Variants in ACACA observed in about 807,000 individuals in gnomAD.
The protein encoded by ACACA is acetyl-CoA carboxylase alpha, also known as acetyl-CoA carboxylase 1.
A neutral mutation model predicts 296.1 loss-of-function variants in ACACA; 103 were observed. The ratio of observed to expected loss-of-function variants is 0.35; its 90% confidence interval spans 0.30 to 0.41. The LOEUF (loss-of-function observed/expected upper bound fraction) is 0.41. Among genes scored for constraint, ACACA ranks in the 10% least tolerant of loss-of-function variants. ACACA has a pLI of 1.00. For synonymous variants in ACACA, 953 were observed against 1,038.6 expected (o/e 0.92, Z 1.58); for missense variants, 1,554 against 2,989.7 (o/e 0.52, Z 11.20).
rs2047307519 is a variant in ACACA, at chr17:37,320,559, GTAGT to G, written c.338+9610_338+9613del. The stretch of plus-strand genomic sequence containing the variant: ...ACACCAAAGGTTTTAGTTTAGTGTA[GTAGT>G]TTATAGTACGAGCTCTGACTAGATT... On this transcript the variant is annotated intron_variant, in intron 3 of 55. Transcript: ENST00000616317. Among the ~76,000 whole-genome samples the G allele has an allele frequency of 4.6e-5, 7 of 151,368 alleles. No homozygotes were observed. The South Asian group carries it at 1.3e-3, about 27-fold the overall frequency.
intron 11 of ACACA, among the ~76,000 whole-genome samples, chr17:37,260,890 G>A (rs547152691): frequency 9.2e-5 from 14 of 152,104 alleles, no homozygotes; most frequent in East Asian, 1.9e-4. Flanking sequence ...GGGGGGGTCC[G>A]CTGTGTTTTT....
In ACACA at chr17:37,107,888, G is replaced by C. The variant is rs1008375587; in HGVS notation, c.6565+3643C>G. ...GAGGACCTCAGGTCACAGCACTCAA[G>C]AGGCCAGGCTAGCAAGGCCGTCCCG... On this transcript the variant is annotated intron_variant, in intron 52 of 55. Coordinates refer to ENST00000616317, the MANE Select transcript of ACACA (RefSeq NM_198834.3). Among the ~76,000 whole-genome samples the C allele has an allele frequency of 2.6e-5, 4 of 152,336 alleles. No homozygotes were observed. In the East Asian group the frequency reaches 7.7e-4, roughly 29 times the overall value.
chr17:37,172,108 T>C (rs1345846265), intron 41 of ACACA, among the ~76,000 whole-genome samples: 7 of 152,222 alleles, frequency 4.6e-5, no homozygotes, highest in Admixed American at 1.3e-4. Context: ...TAGGGTACTA[T>C]GTCACATTCT....
chr17:37,309,333 G>A (rs1194988247), intron 3 of ACACA, among the ~76,000 whole-genome samples: 5 of 152,084 alleles, frequency 3.3e-5, no homozygotes, highest in Admixed American at 2.0e-4. Context: ...GCTTCAACAA[G>A]TATTTATTGA....
intron 1 of ACACA, among the ~76,000 whole-genome samples, chr17:37,340,811 TCTGA>T (rs2048344786): frequency 2.0e-5 from 3 of 152,308 alleles, no homozygotes; most frequent in South Asian, 2.1e-4. Flanking sequence ...AAGCTCAAAC[TCTGA>T]CTGTCAAATA....
chr17:37,091,018 T>G (rs1331560346), intron 54 of ACACA, among the ~76,000 whole-genome samples: 1 of 152,202 alleles, frequency 6.6e-6, no homozygotes, highest in Non-Finnish European at 1.5e-5. Context: ...TCATTTTTAA[T>G]CCGTTTGCTT....
chr17:37,120,037 G>A (rs2074451534), intron 50 of ACACA, among the ~76,000 whole-genome samples: 1 of 148,898 alleles, frequency 6.7e-6, no homozygotes, highest in South Asian at 2.2e-4. Flanking sequence ...GGGATTATAG[G>A]CATGCACCAC....
At chr17:37,146,456 A>C in intron 45 of ACACA, among the ~76,000 whole-genome samples, 1 of 112,342 alleles carries the variant, frequency 8.9e-6, no homozygotes, top group East Asian at 2.6e-4. Context: ...AGGGGAAGGA[A>C]GGGGAAAAGC....
At chr17:37,162,197 A>G in intron 41 of ACACA, 147 bp from the exon 42 acceptor site, 1 of 825,700 alleles carries the variant, frequency 1.2e-6, no homozygotes, top group East Asian at 2.6e-5. Context: ...GTGGGAAACT[A>G]CAAAAGACAT....
chr17:37,111,977 G>A (rs532982509), intron 51 of ACACA, among the ~76,000 whole-genome samples: 3 of 152,258 alleles, frequency 2.0e-5, no homozygotes, highest in Admixed American at 6.5e-5. Flanking sequence ...AAAAAATGCT[G>A]TAGGCACAGT....
rs551888666 is a variant in ACACA, at chr17:37,229,649, G to A, written c.3247-3197C>T. On this transcript the variant is annotated intron_variant, in intron 25 of 55. Coordinates refer to ENST00000616317, the MANE Select transcript of ACACA (RefSeq NM_198834.3). ...TAAAAGACAAAACAAAGCAAAACAC[G>A]TAAAAGCACTTTTTTTTAAAAACCA... is the stretch of plus-strand genomic sequence containing the variant. Among the ~76,000 whole-genome samples, 4 of 151,912 alleles carry A rather than the reference G, an allele frequency of 2.6e-5. No individual in the cohort carries two copies. In the East Asian group the frequency reaches 5.8e-4, roughly 22 times the overall value.
chr17:37,211,523 C>T (rs2078747040), intron 29 of ACACA, among the ~76,000 whole-genome samples: 1 of 152,208 alleles, frequency 6.6e-6, no homozygotes, highest in Non-Finnish European at 1.5e-5. Context: ...TGTAAGGGGG[C>T]TGATCGGTTG....
At chr17:37,174,247 T>C (rs1157517912) in intron 41 of ACACA, among the ~76,000 whole-genome samples, 1 of 150,128 alleles carries the variant, frequency 6.7e-6, no homozygotes, top group Non-Finnish European at 1.5e-5. Flanking sequence ...AGATCCCTAA[T>C]GCAAGGTTCA....
At chr17:37,246,295 C>G (rs922795672) in intron 19 of ACACA, among the ~76,000 whole-genome samples, 2 of 152,188 alleles carry the variant, frequency 1.3e-5, no homozygotes, top group African/African-American at 4.8e-5. Flanking sequence ...GTGCTATTGC[C>G]TAGTATCTAT....
At chr17:37,241,258 T>C (rs955090508) in intron 23 of ACACA, among the ~76,000 whole-genome samples, 2 of 152,044 alleles carry the variant, frequency 1.3e-5, no homozygotes, top group Non-Finnish European at 2.9e-5. Context: ...TTAGTATTAA[T>C]AGCAACAACC....
At chr17:37,283,473 T>C (rs1201803243) in intron 4 of ACACA, 68 bp from the exon 5 acceptor site, 7 of 1,557,062 alleles carry the variant, frequency 4.5e-6, no homozygotes, top group Middle Eastern at 1.7e-4. Flanking sequence ...GGAAAAGAGA[T>C]GAGAGAATTT....
chr17:37,239,590 T>G lies in ACACA; in HGVS notation c.3121+886A>C, dbSNP rs113295199. Among the ~76,000 whole-genome samples the G allele has an allele frequency of 2.5e-3, 387 of 152,336 alleles. 4 individuals carry two copies. The highest frequency in any genetic ancestry group is 8.4e-3 in the African/African-American group (348 of 41,580). ...TTTGTCATGAATGGATGTTAAATTC[T>G]GTCAAATGCTCCCTCTCCACACCCT... On this transcript the variant is annotated intron_variant, in intron 24 of 55. Coordinates refer to ENST00000616317, the MANE Select transcript of ACACA (RefSeq NM_198834.3).
At chr17:37,134,984 G>C (rs539711357) in intron 45 of ACACA, among the ~76,000 whole-genome samples, 1 of 152,144 alleles carries the variant, frequency 6.6e-6, no homozygotes, top group South Asian at 2.1e-4. Context: ...AGGGACAAAA[G>C]AAAGAAGGAA....
chr17:37,331,536 T>C (rs1598510645), intron 2 of ACACA, among the ~76,000 whole-genome samples: 1 of 152,096 alleles, frequency 6.6e-6, no homozygotes, highest in Admixed American at 6.6e-5. Context: ...GCCTCCCAAG[T>C]AGCTGGGATT....
Sources: allele counts gnomAD v4.1 joint callset (sites outside exome capture counted in the v4.1 genomes callset), GRCh38; gene constraint gnomAD v4.1.1; transcripts MANE v1.5; gene names NCBI Gene and HGNC (gene_info 2026-07-23, HGNC 2026-07-21).